SBF2: variants seen among roughly 807,000 people sequenced by gnomAD.
The protein encoded by SBF2 is myotubularin-related protein 13.
Under a neutral mutation model 225.2 loss-of-function variants are expected in SBF2, and 112 were observed. The ratio of observed to expected loss-of-function variants is 0.50; its 90% CI spans 0.43 to 0.58. The LOEUF (loss-of-function observed/expected upper bound fraction) is 0.58, where lower values mean the gene tolerates loss of function less well. SBF2 is among the 20% of genes least tolerant of loss of function. The pLI is 0.00. For missense variants in SBF2, 1,996 were observed against 2,206.2 expected (o/e 0.90, Z 1.91); for synonymous variants, 763 against 773.3 (o/e 0.99, Z 0.22).
At chr11:10,244,684 A>G (rs1959591125) in intron 1 of SBF2, among the ~76,000 whole-genome samples, 1 of 152,236 alleles carries the variant, frequency 6.6e-6, no homozygotes, top group African/African-American at 2.4e-5. Flanking sequence ...AACTACACCA[A>G]AACTAAAAAG....
At chr11:9,864,269 A>G (rs543539093) in intron 17 of SBF2, among the ~76,000 whole-genome samples, 1 of 152,326 alleles carries the variant, frequency 6.6e-6, no homozygotes, top group South Asian at 2.1e-4. Flanking sequence ...TAACCCTTCT[A>G]GATTGCTCAG....
chr11:9,778,907 AG>A lies in SBF2; in HGVS notation c.*1510del. 1 of 152,806 alleles carries A rather than the reference AG, an allele frequency of 6.5e-6. No homozygotes were observed. Among genetic ancestry groups the A allele is most frequent in the African/African-American group, 2.4e-5 (1 of 41,590 alleles). 9.5% of individuals were successfully genotyped at this position (152,806 alleles called of 1,614,324 possible). A position where few individuals can be genotyped will look rare whatever the true frequency, so the allele number is the denominator to read the frequency against. ...ACTGTGTATAGTCTCAAATAGCTGAAGGTACAATGGGCTCCATATTTTACAA... is the reference window on the plus strand; with the variant it reads ...ACTGTGTATAGTCTCAAATAGCTGAAGTACAATGGGCTCCATATTTTACAA... On this transcript the variant is annotated 3_prime_UTR_variant, in exon 40 of 40. Transcript: ENST00000256190.
chr11:10,176,226 C>T (rs1269001774), intron 2 of SBF2, among the ~76,000 whole-genome samples: 2 of 148,408 alleles, frequency 1.3e-5, no homozygotes, highest in Admixed American at 6.7e-5. Context: ...TAAATGCCCA[C>T]AAGAGAAAGC....
chr11:10,123,213 G>C (rs1953562487), intron 2 of SBF2, among the ~76,000 whole-genome samples: 1 of 152,128 alleles, frequency 6.6e-6, no homozygotes, highest in Admixed American at 6.6e-5. Context: ...ATCTTTGAAA[G>C]AGAAAGTCAG....
At chr11:10,211,430 G>C (rs996775468) in intron 1 of SBF2, among the ~76,000 whole-genome samples, 1 of 152,220 alleles carries the variant, frequency 6.6e-6, no homozygotes, top group African/African-American at 2.4e-5. Context: ...ACAAGATGCA[G>C]TAGCTTATCT....
At chr11:10,056,468 G>A (rs1286077651) in intron 2 of SBF2, among the ~76,000 whole-genome samples, 1 of 152,108 alleles carries the variant, frequency 6.6e-6, no homozygotes, top group African/African-American at 2.4e-5. Context: ...TTCCTGGTTA[G>A]CTGTATTCCT....
intron 26 of SBF2, among the ~76,000 whole-genome samples, chr11:9,836,801 C>T (rs1359437845): frequency 6.6e-6 from 1 of 152,076 alleles, no homozygotes; most frequent in Non-Finnish European, 1.5e-5. Context: ...TTAGATTCAT[C>T]CCTAAGTAAT....
intron 1 of SBF2, among the ~76,000 whole-genome samples, chr11:10,286,002 T>C (rs1264630139): frequency 6.6e-6 from 1 of 152,110 alleles, no homozygotes; most frequent in Non-Finnish European, 1.5e-5. Context: ...GTTAAGAGAG[T>C]AGATCTTTTT....
At chr11:9,877,643 G>T (rs1036050590) in intron 17 of SBF2, among the ~76,000 whole-genome samples, 1 of 152,052 alleles carries the variant, frequency 6.6e-6, no homozygotes, top group East Asian at 1.9e-4. Context: ...GAGAACATGC[G>T]GTGTTTGGTT....
intron 2 of SBF2, among the ~76,000 whole-genome samples, chr11:10,175,518 C>T (rs1956423213): frequency 6.6e-6 from 1 of 151,642 alleles, no homozygotes; most frequent in Non-Finnish European, 1.5e-5. Context: ...AAAGCAAGTC[C>T]TGAGCGACCT....
chr11:10,296,351 G>T (rs1256399014), upstream of SBF2, among the ~76,000 whole-genome samples: 2 of 152,124 alleles, frequency 1.3e-5, no homozygotes, highest in Admixed American at 6.6e-5. Context: ...AAGAGAAGAG[G>T]TTTAATTGAC....
intron 1 of SBF2, among the ~76,000 whole-genome samples, chr11:10,235,099 T>C (rs546867911): frequency 1.3e-5 from 2 of 152,340 alleles, no homozygotes; most frequent in African/African-American, 4.8e-5. Flanking sequence ...TTATAAAGAT[T>C]GAAATGAGAT....
chr11:10,233,049 G>C lies in SBF2; in HGVS notation c.56-39062C>G, dbSNP rs1240345919. On this transcript the variant is annotated intron_variant, in intron 1 of 39. Transcript: ENST00000256190. Reference sequence around the variant, plus strand: ...AATAGAAAATGCTGAAAACATAAATGGTCTACACCTCCCTTTTAAGGAAAT... The same window carrying C: ...AATAGAAAATGCTGAAAACATAAATCGTCTACACCTCCCTTTTAAGGAAAT... Among the ~76,000 whole-genome samples the C allele has an allele frequency of 1.8e-4, 27 of 152,068 alleles. No individual in the cohort carries two copies. The East Asian group carries it at 5.0e-3, about 28-fold the overall frequency.
In SBF2 at chr11:9,845,522, A is replaced by G. The variant is rs755920029; in HGVS notation, c.3110+43T>C. On this transcript the variant is annotated intron_variant, in intron 24 of 39. Coordinates refer to ENST00000256190, the MANE Select transcript of SBF2 (RefSeq NM_030962.4). The stretch of plus-strand genomic sequence containing the variant: ...GGATAGGTTACTCCTTTTGCAATCA[A>G]TTACGGGAGGGCTGAAATTAACAGA... 5 of 1,570,470 alleles carry G rather than the reference A, an allele frequency of 3.2e-6. No individual in the cohort carries two copies. The Admixed American group carries it at 6.7e-5, about 21-fold the overall frequency.
At chr11:9,825,567 C>G (rs1818912826) in intron 28 of SBF2, among the ~76,000 whole-genome samples, 1 of 152,182 alleles carries the variant, frequency 6.6e-6, no homozygotes, top group South Asian at 2.1e-4. Flanking sequence ...ACAGAAAGTT[C>G]TGACGAGGCA....
chr11:9,827,796 T>C (rs1855157539), intron 28 of SBF2, among the ~76,000 whole-genome samples: 1 of 152,184 alleles, frequency 6.6e-6, no homozygotes, highest in South Asian at 2.1e-4. Context: ...TATCTATACT[T>C]CTGTGATAGA....
At chr11:10,000,333 G>C (rs1947905686) in intron 8 of SBF2, among the ~76,000 whole-genome samples, 1 of 152,122 alleles carries the variant, frequency 6.6e-6, no homozygotes, top group Non-Finnish European at 1.5e-5. Context: ...GATAATCCTG[G>C]ATGTCCTTTT....
At chr11:10,206,946 G>A (rs1957771838) in intron 1 of SBF2, among the ~76,000 whole-genome samples, 1 of 152,042 alleles carries the variant, frequency 6.6e-6, no homozygotes, top group African/African-American at 2.4e-5. Flanking sequence ...AAGAAATAAT[G>A]GCTAAAACAC....
intron 2 of SBF2, among the ~76,000 whole-genome samples, chr11:10,178,306 C>G (rs1178560738): frequency 3.3e-5 from 5 of 150,596 alleles, no homozygotes; most frequent in African/African-American, 4.9e-5. Flanking sequence ...GTCTAAAACA[C>G]CAAAAGCAAT....
Sources: allele counts gnomAD v4.1 joint callset (sites outside exome capture counted in the v4.1 genomes callset), GRCh38; gene constraint gnomAD v4.1.1; transcripts MANE v1.5; gene names NCBI Gene and HGNC (gene_info 2026-07-23, HGNC 2026-07-21).